The following MYO18B variants were observed in gnomAD, a reference collection of about 807,000 sequenced individuals.
MYO18B encodes myosin XVIIIB, also known as unconventional myosin-XVIIIb.
Under a neutral mutation model 273.0 loss-of-function variants are expected in MYO18B, and 204 were observed. The ratio of observed to expected loss-of-function variants is 0.75; its 90% CI spans 0.67 to 0.84. MYO18B has a LOEUF of 0.84. MYO18B is among the 40% of genes least tolerant of loss of function. The pLI, the probability that MYO18B is intolerant of heterozygous loss-of-function variation, is 0.00. For missense variants in MYO18B, 3,212 were observed against 3,287.6 expected, an observed-to-expected ratio of 0.98 and a Z score of 0.56; for synonymous variants, 1,330 against 1,305.7, an observed-to-expected ratio of 1.02 and a Z score of -0.40.
intron 13 of MYO18B, among the ~76,000 whole-genome samples, chr22:25,825,775 A>G (rs1001580869): frequency 6.6e-6 from 1 of 152,210 alleles, no homozygotes; most frequent in African/African-American, 2.4e-5. Flanking sequence ...AATTGGAAGA[A>G]CCTGTGTCCC....
At chr22:25,920,082 C>G (rs762555122) in intron 33 of MYO18B, among the ~76,000 whole-genome samples, 9 of 152,178 alleles carry the variant, frequency 5.9e-5, no homozygotes, top group Admixed American at 1.3e-4. Context: ...AAGCCTAGAT[C>G]TGCTCATTCT....
chr22:25,997,541 T>C (rs1366663253), intron 40 of MYO18B, among the ~76,000 whole-genome samples: 1 of 152,088 alleles, frequency 6.6e-6, no homozygotes, highest in Non-Finnish European at 1.5e-5. Flanking sequence ...AACTTGGATT[T>C]GAGTGGAAAC....
At chr22:25,856,342 C>T (rs547106517) in intron 21 of MYO18B, among the ~76,000 whole-genome samples, 8 of 152,306 alleles carry the variant, frequency 5.3e-5, no homozygotes, top group African/African-American at 1.9e-4. Flanking sequence ...TAGAAGCCCT[C>T]TGAGGGCAGG....
At chr22:25,906,090 A>G (rs1313829413) in intron 31 of MYO18B, among the ~76,000 whole-genome samples, 1 of 152,196 alleles carries the variant, frequency 6.6e-6, no homozygotes, top group Admixed American at 6.5e-5. Flanking sequence ...CACCCAGGAG[A>G]TGAGGCTGAC....
intron 39 of MYO18B, among the ~76,000 whole-genome samples, chr22:25,958,135 G>A (rs1025305668): frequency 2.6e-5 from 4 of 151,818 alleles, no homozygotes; most frequent in Non-Finnish European, 5.9e-5. Context: ...AGCTAGTCTC[G>A]AACCCCTGAC....
chr22:26,013,143 A>G (rs1203833799), intron 42 of MYO18B, among the ~76,000 whole-genome samples: 2 of 152,182 alleles, frequency 1.3e-5, no homozygotes, highest in Non-Finnish European at 2.9e-5. Flanking sequence ...TGCATGTAGC[A>G]GTAATTCATT....
intron 42 of MYO18B, among the ~76,000 whole-genome samples, chr22:26,025,695 T>C (rs1305221764): frequency 1.3e-5 from 2 of 152,242 alleles, no homozygotes; most frequent in African/African-American, 4.8e-5. Flanking sequence ...GAAAGGTTGA[T>C]GGACTCCAGT....
intron 10 of MYO18B, 78 bp downstream of exon 10, chr22:25,781,912 C>T: frequency 9.6e-7 from 1 of 1,036,532 alleles, no homozygotes; most frequent in Non-Finnish European, 1.3e-6. Context: ...CCAGCCTTAG[C>T]TTCTGCCCAG....
At chr22:26,049,595 G>T in the MYO18B span, among the ~76,000 whole-genome samples, 3 of 152,202 alleles carry the variant, frequency 2.0e-5, no homozygotes, top group Non-Finnish European at 4.4e-5. Context: ...CAGTCCTAAA[G>T]GTTTCATAAG....
chr22:25,795,404 G>C (rs1229274172), intron 11 of MYO18B, among the ~76,000 whole-genome samples: 3 of 152,082 alleles, frequency 2.0e-5, no homozygotes, highest in Non-Finnish European at 4.4e-5. Context: ...CATTGGGAGG[G>C]GACAAGGAAG....
Position 25,966,505 on chromosome 22 carries a change from C to T in MYO18B, c.6156+11141C>T, listed in dbSNP as rs534397054. 7.2e-4 allele frequency among the ~76,000 whole-genome samples: 110 copies of T among 152,246 alleles called. 1 individual carries two copies. In the South Asian group the frequency reaches 0.013, roughly 18 times the overall value. The stretch of plus-strand genomic sequence containing the variant: ...ATGGAGGGCATTTGGGGCCATGAGC[C>T]GGGTGTAAATAACACATTTTATGGC... On this transcript the variant is annotated intron_variant, in intron 39 of 43. Coordinates refer to ENST00000335473, the MANE Select transcript of MYO18B (RefSeq NM_032608.7).
intron 42 of MYO18B, among the ~76,000 whole-genome samples, chr22:26,020,564 A>T (rs1259399751): frequency 6.6e-6 from 1 of 152,238 alleles, no homozygotes; most frequent in African/African-American, 2.4e-5. Flanking sequence ...AATTTATGTT[A>T]TACTGTTATG....
At chr22:25,989,362 G>A (rs2093236077) in intron 39 of MYO18B, among the ~76,000 whole-genome samples, 1 of 152,064 alleles carries the variant, frequency 6.6e-6, no homozygotes, top group South Asian at 2.1e-4. Context: ...CCAGATGTGT[G>A]GACTTGGGAT....
At chr22:25,904,104 T>C (rs1293921524) in intron 31 of MYO18B, among the ~76,000 whole-genome samples, 1 of 152,202 alleles carries the variant, frequency 6.6e-6, no homozygotes, top group Non-Finnish European at 1.5e-5. Flanking sequence ...CCCATCTCCT[T>C]AGCTGGGTTG....
intron 17 of MYO18B, among the ~76,000 whole-genome samples, chr22:25,838,974 GGTAT>G (rs2089993634): frequency 6.6e-6 from 1 of 150,832 alleles, no homozygotes; most frequent in Non-Finnish European, 1.5e-5. Flanking sequence ...TATATGTGAG[GGTAT>G]GTATGTAGTG....
Position 26,026,879 on chromosome 22 carries a change from C to T in MYO18B, c.6905C>T (p.Ser2302Leu), listed in dbSNP as rs556752387. 2.6e-5 allele frequency: 41 copies of T among 1,599,378 alleles called. No individual in the cohort carries two copies. In the Middle Eastern group the frequency reaches 6.7e-4, roughly 26 times the overall value. Residue 2302 changes from serine to leucine, a missense_variant, in exon 43 of 44, where the codon TCG becomes TTG. Physicochemically the swap from Ser to Leu is moderately radical, Grantham distance 145. Transcript: ENST00000335473. ...GCTGGCAGTGACGAGGGAAACCTCT[C>T]GCTGAGGGTTGGGGCAAAGTCACCC... Reference protein sequence around the residue: ...GRAGSDEGNLSLRVGAKSPLE... With the variant: ...GRAGSDEGNLLLRVGAKSPLE...
chr22:25,974,202 G>A lies in MYO18B; in HGVS notation c.6157-18161G>A, dbSNP rs569249391. On this transcript the variant is annotated intron_variant, in intron 39 of 43. Transcript: ENST00000335473. ...ATATGGCTACTCAACAATTAGACCC[G>A]CCAAATCTCAGCGTTTGGAATGATA... Among the ~76,000 whole-genome samples, 25 of 152,144 alleles carry A rather than the reference G, an allele frequency of 1.6e-4. 1 individual carries two copies. Among genetic ancestry groups the A allele is most frequent in the African/African-American group, 5.1e-4 (21 of 41,510 alleles).
chr22:25,878,722 G>A (rs2091264506), intron 25 of MYO18B, among the ~76,000 whole-genome samples: 2 of 152,228 alleles, frequency 1.3e-5, no homozygotes, highest in Non-Finnish European at 2.9e-5. Flanking sequence ...ATTGAAGAGT[G>A]TGATGTAGCC....
At chr22:25,932,978 C>T (rs1369357142) in intron 34 of MYO18B, among the ~76,000 whole-genome samples, 1 of 152,050 alleles carries the variant, frequency 6.6e-6, no homozygotes, top group Non-Finnish European at 1.5e-5. Flanking sequence ...TTGCCAATTA[C>T]CCCCCAGTGT....
Sources: gnomAD v4.1 joint callset for allele counts (sites outside exome capture counted in the v4.1 genomes callset) on GRCh38, gnomAD v4.1.1 for gene constraint, MANE v1.5 for transcripts, NCBI Gene and HGNC (gene_info 2026-07-23, HGNC 2026-07-21) for gene names.